The following ELP2 variants were observed in gnomAD, a reference collection of about 807,000 sequenced individuals.
ELP2 encodes elongator acetyltransferase complex subunit 2, also known as elongator complex protein 2.
In ELP2, 90 loss-of-function variants were observed where a neutral mutation model predicts 119.2. That is an observed-to-expected ratio of 0.75 (90% confidence interval 0.64 to 0.90). The LOEUF is 0.90. Ranked by LOEUF, ELP2 falls within the 40% of genes least tolerant of loss-of-function variation. The pLI is 0.00. For synonymous variants in ELP2, 339 were observed against 331.0 expected (o/e 1.02, Z -0.26); for missense variants, 921 against 967.8 (o/e 0.95, Z 0.64).
At chr18:36,146,408 A>G (rs2090204548) in intron 11 of ELP2, 27 bp downstream of exon 11, 1 of 1,610,538 alleles carries the variant, frequency 6.2e-7, no homozygotes, top group Non-Finnish European at 8.5e-7. Flanking sequence ...TAAATAAAGC[A>G]TTTCTAATCA....
At chr18:36,149,483 G>GTTTTT (rs561853812) in intron 11 of ELP2, among the ~76,000 whole-genome samples, 2,911 of 101,322 alleles carry the variant, frequency 0.029, 149 homozygotes, top group East Asian at 0.039. Context: ...TTTTTGTTTT[G>GTTTTT]TTTTGTTTTT....
chr18:36,136,068 T>C lies in ELP2; in HGVS notation c.218-239T>C, dbSNP rs1035576930. On this transcript the variant is annotated intron_variant, in intron 2 of 21. Transcript: ENST00000358232. The stretch of plus-strand genomic sequence containing the variant: ...GTTTTTGTCCTTAGGAGATATATGG[T>C]CTTTGAGGATCAGAGATCACAGTGT... 2.6e-5 allele frequency among the ~76,000 whole-genome samples: 4 copies of C among 152,170 alleles called. No individual in the cohort carries two copies. The South Asian group carries it at 6.2e-4, about 24-fold the overall frequency.
At chr18:36,143,182 G>A (rs145585893) in intron 8 of ELP2, among the ~76,000 whole-genome samples, 2,108 of 151,220 alleles carry the variant, frequency 0.014, 24 homozygotes, top group Middle Eastern at 0.051. Flanking sequence ...TGCAACCTCC[G>A]TCTCCCAGGT....
chr18:36,170,319 T>C (rs1307679955), intron 20 of ELP2, 123 bp downstream of exon 20: 2 of 1,321,184 alleles, frequency 1.5e-6, no homozygotes, highest in East Asian at 2.4e-5. Context: ...TTCTTTTTTT[T>C]TTTTTGTTTT....
chr18:36,142,542 C>G (rs1294056411), intron 7 of ELP2, among the ~76,000 whole-genome samples, 195 bp downstream of exon 7: 1 of 152,136 alleles, frequency 6.6e-6, no homozygotes, highest in South Asian at 2.1e-4. Context: ...TGGTATTTAT[C>G]AGATGACATT....
At chr18:36,162,874 CATTT>C (rs1046012745) in intron 17 of ELP2, among the ~76,000 whole-genome samples, 5 of 152,070 alleles carry the variant, frequency 3.3e-5, no homozygotes, top group Non-Finnish European at 7.4e-5. Context: ...ATCTTTTGCC[CATTT>C]ATTTATTAGA....
intron 20 of ELP2, among the ~76,000 whole-genome samples, 155 bp downstream of exon 20, chr18:36,170,351 G>A (rs637786): frequency 0.37 from 55,237 of 148,504 alleles, 10,280 homozygotes; most frequent in Middle Eastern, 0.46. Context: ...TCACTCTGTC[G>A]CCCAGGCTGG....
At chr18:36,155,803 G>A (rs1237895216) in intron 12 of ELP2, among the ~76,000 whole-genome samples, 1 of 152,194 alleles carries the variant, frequency 6.6e-6, no homozygotes, top group African/African-American at 2.4e-5. Flanking sequence ...ATTATCAAGT[G>A]TACAATAAAA....
intron 11 of ELP2, 118 bp from the exon 12 acceptor site, chr18:36,154,732 T>G (rs1483918100): frequency 2.8e-5 from 30 of 1,057,720 alleles, no homozygotes; most frequent in Non-Finnish European, 4.4e-5. Flanking sequence ...CGATCTTGTA[T>G]ACTTAGCTTT....
intron 5 of ELP2, chr18:36,139,736 G>A (rs541424603): frequency 2.6e-6 from 2 of 779,260 alleles, no homozygotes; most frequent in Admixed American, 3.0e-5. Flanking sequence ...CTCTTATCTA[G>A]CAGAGTCATC....
At chr18:36,143,860 A>G (rs1403679822) in intron 8 of ELP2, among the ~76,000 whole-genome samples, 3 of 152,254 alleles carry the variant, frequency 2.0e-5, no homozygotes, top group African/African-American at 7.2e-5. Flanking sequence ...TTGCAGTTTT[A>G]GCATAGGAAG....
At chr18:36,167,045 C>T (rs2090928459) in intron 18 of ELP2, 56 bp from the exon 19 acceptor site, 2 of 1,537,686 alleles carry the variant, frequency 1.3e-6, no homozygotes, top group East Asian at 2.3e-5. Context: ...CACTTCCTAA[C>T]AGGTAAAAAC....
intron 8 of ELP2, among the ~76,000 whole-genome samples, chr18:36,143,415 C>G (rs1213962916): frequency 2.2e-5 from 3 of 135,382 alleles, no homozygotes; most frequent in Non-Finnish European, 4.6e-5. Context: ...AGCCACCGTG[C>G]CTGGCCTTTT....
At chr18:36,145,106 G>A in intron 9 of ELP2, 72 bp downstream of exon 9, 1 of 1,209,574 alleles carries the variant, frequency 8.3e-7, no homozygotes, top group South Asian at 1.2e-5. Flanking sequence ...ACCAAATCAA[G>A]TGGAGAATTT....
chr18:36,136,930 T>C (rs1416200646), intron 3 of ELP2, among the ~76,000 whole-genome samples: 2 of 152,196 alleles, frequency 1.3e-5, no homozygotes, highest in African/African-American at 2.4e-5. Flanking sequence ...TTTTTAAAAA[T>C]TCTCTGATTG....
At position 36,146,462 on chromosome 18, in the gene ELP2, C is replaced by G. The variant is rs547769081; in HGVS notation, c.1125+81C>G. The G allele has an allele frequency of 1.4e-6, 2 of 1,480,372 alleles. 1 individual carries two copies. The highest frequency in any genetic ancestry group is 2.3e-5 in the South Asian group (2 of 86,872). The allele number at this position is 1,480,372 out of a possible 1,614,324, so 91.7% of individuals were successfully genotyped here. A position where few individuals can be genotyped will look rare whatever the true frequency, so the allele number is the denominator to read the frequency against. On this transcript the variant is annotated intron_variant, in intron 11 of 21. Coordinates refer to ENST00000358232, the MANE Select transcript of ELP2 (RefSeq NM_018255.4). ...TAAATAGTATTTTGCTTATAACACT[C>G]TACAGAAACATAGTAGAGGCACTTG...
chr18:36,152,462 C>T (rs1217866768), intron 11 of ELP2, among the ~76,000 whole-genome samples: 1 of 152,192 alleles, frequency 6.6e-6, no homozygotes, highest in Non-Finnish European at 1.5e-5. Context: ...AAGGAACCCC[C>T]TTAACCATAG....
intron 2 of ELP2, 28 bp from the exon 3 acceptor site, chr18:36,136,279 A>G (rs1401776832): frequency 1.9e-6 from 3 of 1,539,186 alleles, no homozygotes; most frequent in Non-Finnish European, 2.7e-6. Context: ...ATGAATAAAG[A>G]TATTTACTGA....
intron 5 of ELP2, among the ~76,000 whole-genome samples, chr18:36,140,160 G>T (rs1404206093): frequency 6.6e-6 from 1 of 151,094 alleles, no homozygotes; most frequent in Non-Finnish European, 1.5e-5. Context: ...GCGTAGCTTT[G>T]TAAATTTTTT....
Sources: allele counts gnomAD v4.1 joint callset (sites outside exome capture counted in the v4.1 genomes callset), GRCh38; gene constraint gnomAD v4.1.1; transcripts MANE v1.5; gene names NCBI Gene and HGNC (gene_info 2026-07-23, HGNC 2026-07-21).